Variants in SRGAP3 observed in about 807,000 individuals in gnomAD.
SRGAP3 encodes the protein SLIT-ROBO Rho GTPase activating protein 3, also known as SLIT-ROBO Rho GTPase-activating protein 3.
SRGAP3 carries 39 observed loss-of-function variants against 121.1 expected under a neutral mutation model. That is an observed-to-expected ratio of 0.32 (90% CI 0.25 to 0.42). SRGAP3 has a LOEUF of 0.42. Ranked by LOEUF, SRGAP3 falls within the 10% of genes least tolerant of loss-of-function variation. The probability of loss-of-function intolerance (pLI) is 1.00; values close to 1 mark genes in which losing one functional copy is unlikely to be tolerated. For missense variants in SRGAP3, 1,213 were observed against 1,470.6 expected (o/e 0.82, Z 2.86); for synonymous variants, 601 against 570.0 (o/e 1.05, Z -0.77).
At chr3:9,343,934 C>T (rs1955836664) in intron 1 of SRGAP3, among the ~76,000 whole-genome samples, 1 of 152,184 alleles carries the variant, frequency 6.6e-6, no homozygotes, top group South Asian at 2.1e-4. Flanking sequence ...GCATGAGCCA[C>T]CACACACAGC....
chr3:9,262,813 A>C (rs1954282650), intron 3 of SRGAP3, among the ~76,000 whole-genome samples: 1 of 151,990 alleles, frequency 6.6e-6, no homozygotes, highest in Non-Finnish European at 1.5e-5. Context: ...ACAGATCAAC[A>C]AAACAGAAAA....
At chr3:9,164,952 T>C (rs1467039205) in intron 1 of SRGAP3, among the ~76,000 whole-genome samples, 8 of 152,208 alleles carry the variant, frequency 5.3e-5, no homozygotes, top group Admixed American at 3.3e-4. Context: ...GCCCAGTCTG[T>C]TTCCCTGCTC....
At chr3:9,044,545 G>C (rs1945166428) in intron 10 of SRGAP3, among the ~76,000 whole-genome samples, 2 of 152,090 alleles carry the variant, frequency 1.3e-5, no homozygotes, top group Admixed American at 1.3e-4. Flanking sequence ...CATATTTTCA[G>C]GCCACAGATA....
At chr3:9,038,020 C>T (rs531216458) in intron 11 of SRGAP3, 43 bp downstream of exon 11, 3 of 1,614,078 alleles carry the variant, frequency 1.9e-6, no homozygotes, top group South Asian at 2.2e-5. Flanking sequence ...CCACTCCCAC[C>T]TCGGGCAGCA....
intron 21 of SRGAP3, among the ~76,000 whole-genome samples, chr3:8,986,170 G>A (rs1467512791): frequency 1.3e-5 from 2 of 152,160 alleles, no homozygotes; most frequent in African/African-American, 2.4e-5. Flanking sequence ...GATAAAGAGG[G>A]CAGGCTCTGG....
chr3:9,080,712 GC>G (rs1244077633), intron 3 of SRGAP3, among the ~76,000 whole-genome samples: 1 of 152,102 alleles, frequency 6.6e-6, no homozygotes, highest in East Asian at 1.9e-4. Context: ...ATCAGTGGTG[GC>G]ATTAGATTCT....
intron 12 of SRGAP3, among the ~76,000 whole-genome samples, chr3:9,028,594 C>T (rs1037670330): frequency 6.6e-6 from 1 of 152,214 alleles, no homozygotes; most frequent in African/African-American, 2.4e-5. Flanking sequence ...GGAACAATGT[C>T]TCTGGAATTC....
At chr3:9,100,886 G>A (rs1025363129) in intron 3 of SRGAP3, among the ~76,000 whole-genome samples, 12 of 152,182 alleles carry the variant, frequency 7.9e-5, no homozygotes, top group African/African-American at 2.7e-4. Flanking sequence ...CAGGCAGGGC[G>A]ACTGATATGG....
chr3:9,292,050 A>G (rs1318494433), intron 3 of SRGAP3, among the ~76,000 whole-genome samples: 1 of 152,206 alleles, frequency 6.6e-6, no homozygotes, highest in Non-Finnish European at 1.5e-5. Flanking sequence ...AAGAGATTGG[A>G]AAAGGAAATA....
intron 1 of SRGAP3, among the ~76,000 whole-genome samples, chr3:9,131,959 C>T (rs968385838): frequency 6.6e-6 from 1 of 152,216 alleles, no homozygotes; most frequent in Non-Finnish European, 1.5e-5. Flanking sequence ...TGCATGCACC[C>T]AGGCTGCCAC....
chr3:9,232,339 C>T (rs1261864406), intron 1 of SRGAP3, among the ~76,000 whole-genome samples: 2 of 152,064 alleles, frequency 1.3e-5, no homozygotes, highest in East Asian at 3.9e-4. Flanking sequence ...TTTTCAGAAG[C>T]CAATCAAAAT....
At chr3:9,214,690 T>C (rs372277519) in intron 1 of SRGAP3, among the ~76,000 whole-genome samples, 65 of 152,336 alleles carry the variant, frequency 4.3e-4, no homozygotes, top group African/African-American at 1.4e-3. Flanking sequence ...CCAGATGTCC[T>C]ATCTCGGTTT....
chr3:9,355,654 C>G (rs2030455570), intron 1 of SRGAP3: 1 of 152,364 alleles, frequency 6.6e-6, no homozygotes, highest in Non-Finnish European at 1.5e-5. Context: ...ATTCCTCCAC[C>G]TCTCCAGCAC....
intron 3 of SRGAP3, among the ~76,000 whole-genome samples, chr3:9,259,772 G>T (rs1954214507): frequency 6.6e-6 from 1 of 151,546 alleles, no homozygotes; most frequent in Non-Finnish European, 1.5e-5. Flanking sequence ...CACTTAAAAT[G>T]TGGCAAGTGT....
chr3:9,281,742 G>C lies in SRGAP3; in HGVS notation n.442+44268C>G, dbSNP rs549034556. ...GGCTGGAGAGCAGTGGCATGATCTGGGCTCACTGCAACCTCCACCATCCGG... is the reference window on the plus strand; with the variant it reads ...GGCTGGAGAGCAGTGGCATGATCTGCGCTCACTGCAACCTCCACCATCCGG... On this transcript the variant is annotated intron_variant and non_coding_transcript_variant, in intron 3 of 3. Coordinates refer to the SRGAP3 transcript ENST00000490889. Among the ~76,000 whole-genome samples, 7 of 152,080 alleles carry C rather than the reference G, an allele frequency of 4.6e-5. No individual in the cohort carries two copies. The East Asian group carries it at 1.2e-3, about 25-fold the overall frequency.
intron 4 of SRGAP3, among the ~76,000 whole-genome samples, chr3:9,078,408 C>T (rs1297900545): frequency 1.3e-5 from 2 of 152,064 alleles, no homozygotes; most frequent in Non-Finnish European, 1.5e-5. Flanking sequence ...ATTCTGAGCA[C>T]GACAATCCCA....
chr3:9,259,145 T>C (rs1954198832), intron 3 of SRGAP3, among the ~76,000 whole-genome samples: 1 of 152,174 alleles, frequency 6.6e-6, no homozygotes, highest in South Asian at 2.1e-4. Flanking sequence ...GGCTCCTGCG[T>C]CGCCTTCTCA....
intron 1 of SRGAP3, among the ~76,000 whole-genome samples, chr3:9,126,069 T>A (rs1949214188): frequency 6.6e-6 from 1 of 152,160 alleles, no homozygotes; most frequent in Non-Finnish European, 1.5e-5. Flanking sequence ...GGGGCAGAAC[T>A]ACTCTGGGGT....
Position 9,015,516 on chromosome 3 carries a change from C to A in SRGAP3, c.1813+81G>T, listed in dbSNP as rs948772834. On this transcript the variant is annotated intron_variant, in intron 15 of 21. Coordinates refer to ENST00000383836, the MANE Select transcript of SRGAP3 (RefSeq NM_014850.4). ...CCTTTCATAATGTCCCTCCTCTATG[C>A]CTAGCACAGCAGTAAGCCTGTAGCT... is the stretch of plus-strand genomic sequence containing the variant. The A allele has an allele frequency of 2.0e-5, 32 of 1,578,978 alleles. No homozygotes were observed. In the African/African-American group the frequency reaches 3.6e-4, roughly 18 times the overall value.
Sources: allele counts gnomAD v4.1 joint callset (sites outside exome capture counted in the v4.1 genomes callset), GRCh38; gene constraint gnomAD v4.1.1; transcripts MANE v1.5; gene names NCBI Gene and HGNC (gene_info 2026-07-23, HGNC 2026-07-21).